GALNT13: variants seen among roughly 807,000 people sequenced by gnomAD.
GALNT13 encodes the protein polypeptide N-acetylgalactosaminyltransferase 13.
Under a neutral mutation model 64.2 loss-of-function variants are expected in GALNT13, and 28 were observed. The ratio of observed to expected loss-of-function variants is 0.44; its 90% confidence interval spans 0.32 to 0.60. GALNT13 has a LOEUF of 0.60. GALNT13 is among the 20% of genes least tolerant of loss of function. GALNT13 has a pLI of 0.05. For synonymous variants in GALNT13, 214 were observed against 224.6 expected (o/e 0.95, Z 0.42); for missense variants, 577 against 669.8 (o/e 0.86, Z 1.53).
chr2:153,738,811 A>G, the GALNT13 span, among the ~76,000 whole-genome samples: 1 of 151,838 alleles, frequency 6.6e-6, no homozygotes, highest in Non-Finnish European at 1.5e-5. Context: ...ACAATCCTGG[A>G]GTCACCCACT....
chr2:154,193,241 A>G (rs1041960565), intron 4 of GALNT13, among the ~76,000 whole-genome samples: 8 of 152,230 alleles, frequency 5.3e-5, no homozygotes, highest in African/African-American at 1.9e-4. Context: ...CAAATATTAT[A>G]TGTGTTTATT....
intron 3 of GALNT13, among the ~76,000 whole-genome samples, chr2:154,009,823 A>G (rs72868405): frequency 0.047 from 7,148 of 152,068 alleles, 242 homozygotes; most frequent in Middle Eastern, 0.099. Flanking sequence ...TGCTTGCATC[A>G]TCTCTGATTT....
the GALNT13 span, among the ~76,000 whole-genome samples, chr2:153,569,701 C>T: frequency 6.6e-6 from 1 of 151,898 alleles, no homozygotes; most frequent in African/African-American, 2.4e-5. Flanking sequence ...AATGTAATAT[C>T]ATTCCTTTAG....
chr2:153,617,622 G>A, the GALNT13 span, among the ~76,000 whole-genome samples: 423 of 151,950 alleles, frequency 2.8e-3, no homozygotes, highest in Non-Finnish European at 4.8e-3. Context: ...AAAAGTTTGG[G>A]TAGGATAGCT....
chr2:153,899,476 G>A (rs931957149), intron 1 of GALNT13, among the ~76,000 whole-genome samples: 6 of 151,900 alleles, frequency 3.9e-5, no homozygotes, highest in African/African-American at 1.5e-4. Context: ...AGTTTCTTGG[G>A]CATTTCTTGA....
the GALNT13 span, among the ~76,000 whole-genome samples, chr2:153,273,434 A>T: frequency 6.6e-6 from 1 of 152,190 alleles, no homozygotes; most frequent in African/African-American, 2.4e-5. Flanking sequence ...GGCTTTAATT[A>T]ACCTGTCTTT....
chr2:153,086,522 T>G, the GALNT13 span, among the ~76,000 whole-genome samples: 1 of 152,124 alleles, frequency 6.6e-6, no homozygotes, highest in Non-Finnish European at 1.5e-5. Context: ...GCACACAGTC[T>G]CTTGCCTGCT....
At chr2:154,287,365 C>T (rs559071365) in intron 8 of GALNT13, 25 of 542,668 alleles carry the variant, frequency 4.6e-5, no homozygotes, top group South Asian at 4.4e-4. Context: ...AGCTCTCATA[C>T]TCTGGGAACG....
chr2:154,326,227 C>T (rs1694867034), intron 9 of GALNT13, among the ~76,000 whole-genome samples: 1 of 151,606 alleles, frequency 6.6e-6, no homozygotes, highest in South Asian at 2.1e-4. Flanking sequence ...CCCTTCTGGC[C>T]TCTGTAATAA....
At chr2:153,091,432 G>A in the GALNT13 span, among the ~76,000 whole-genome samples, 3 of 152,150 alleles carry the variant, frequency 2.0e-5, no homozygotes, top group Non-Finnish European at 4.4e-5. Context: ...TTCAGAGGCA[G>A]GTTTTCCCCA....
chr2:154,159,196 A>T (rs960994981), intron 4 of GALNT13, among the ~76,000 whole-genome samples: 8 of 151,682 alleles, frequency 5.3e-5, no homozygotes, highest in Non-Finnish European at 1.0e-4. Flanking sequence ...ATGCAATGGC[A>T]CTATCTTGGC....
intron 9 of GALNT13, among the ~76,000 whole-genome samples, chr2:154,311,784 C>T (rs1381359548): frequency 1.3e-5 from 2 of 151,996 alleles, no homozygotes; most frequent in Non-Finnish European, 2.9e-5. Context: ...CAGAGACCTA[C>T]CCCTAGGTGC....
intron 2 of GALNT13, among the ~76,000 whole-genome samples, chr2:153,918,314 A>G (rs1337496548): frequency 6.6e-6 from 1 of 152,158 alleles, no homozygotes; most frequent in African/African-American, 2.4e-5. Context: ...GAACTTCGGT[A>G]GAGATAACAT....
chr2:153,950,289 A>G (rs561722186), intron 3 of GALNT13, among the ~76,000 whole-genome samples: 1 of 152,148 alleles, frequency 6.6e-6, no homozygotes, highest in South Asian at 2.1e-4. Context: ...CCCAATAGAA[A>G]AAAATGGGCA....
the GALNT13 span, among the ~76,000 whole-genome samples, chr2:153,825,608 C>CTG: frequency 0.19 from 25,653 of 134,564 alleles, 2,287 homozygotes; most frequent in Middle Eastern, 0.2. Context: ...TCCATGAGTG[C>CTG]TGTGTGTGTG....
intron 12 of GALNT13, among the ~76,000 whole-genome samples, chr2:154,444,404 G>A (rs1326219130): frequency 6.6e-6 from 1 of 152,076 alleles, no homozygotes; most frequent in Non-Finnish European, 1.5e-5. Context: ...ATCATTTTAT[G>A]TGTGTTACTG....
the GALNT13 span, among the ~76,000 whole-genome samples, chr2:153,703,838 A>G: frequency 6.6e-6 from 1 of 152,160 alleles, no homozygotes; most frequent in African/African-American, 2.4e-5. Context: ...GAGAACACGC[A>G]TCACTTCTAT....
the GALNT13 span, among the ~76,000 whole-genome samples, chr2:153,086,526 G>C: frequency 6.6e-6 from 1 of 152,034 alleles, no homozygotes; most frequent in African/African-American, 2.4e-5. Context: ...ACAGTCTCTT[G>C]CCTGCTGCCA....
chr2:153,726,633 A>AT, the GALNT13 span, among the ~76,000 whole-genome samples: 1 of 151,936 alleles, frequency 6.6e-6, no homozygotes, highest in African/African-American at 2.4e-5. Flanking sequence ...CTCATGTACC[A>AT]TTTTTTCCTT....
Sources: allele counts gnomAD v4.1 joint callset (sites outside exome capture counted in the v4.1 genomes callset), GRCh38; gene constraint gnomAD v4.1.1; transcripts MANE v1.5; gene names NCBI Gene and HGNC (gene_info 2026-07-23, HGNC 2026-07-21).